The following COLQ variants were observed in gnomAD, a reference collection of about 807,000 sequenced individuals.
The protein encoded by COLQ is collagen like tail subunit of asymmetric acetylcholinesterase.
In COLQ, 48 loss-of-function variants were observed where a neutral mutation model predicts 69.0. The ratio of observed to expected loss-of-function variants is 0.70; its 90% CI spans 0.55 to 0.88. COLQ has a LOEUF of 0.88. Ranked by LOEUF, COLQ falls within the 40% of genes least tolerant of loss-of-function variation. The probability of loss-of-function intolerance (pLI) is 0.00; values close to 1 mark genes in which losing one functional copy is unlikely to be tolerated. For synonymous variants in COLQ, 217 were observed against 211.2 expected (o/e 1.03, Z -0.24); for missense variants, 618 against 594.6 (o/e 1.04, Z -0.41).
chr3:15,475,222 A>G, intron 7 of COLQ: 1 of 659,680 alleles, frequency 1.5e-6, no homozygotes. Flanking sequence ...TTCCTGCCCA[A>G]GAGAACAGCA....
intron 1 of COLQ, among the ~76,000 whole-genome samples, chr3:15,497,683 G>A (rs2062765621): frequency 6.6e-6 from 1 of 152,204 alleles, no homozygotes; most frequent in African/African-American, 2.4e-5. Flanking sequence ...TTCCCTGCCT[G>A]TGGGAACTTG....
chr3:15,517,974 T>G (rs1405161538), intron 1 of COLQ, among the ~76,000 whole-genome samples: 1 of 152,078 alleles, frequency 6.6e-6, no homozygotes, highest in African/African-American at 2.4e-5. Context: ...AAACGAAGTT[T>G]CACTCTTGTT....
chr3:15,513,847 A>ATG (rs2063020092), intron 1 of COLQ, among the ~76,000 whole-genome samples: 1 of 152,208 alleles, frequency 6.6e-6, no homozygotes, highest in South Asian at 2.1e-4. Flanking sequence ...GAACCTGTAA[A>ATG]TGTTACCTTA....
chr3:15,486,676 A>G (rs2062580575), intron 3 of COLQ, among the ~76,000 whole-genome samples: 2 of 152,216 alleles, frequency 1.3e-5, no homozygotes, highest in South Asian at 2.1e-4. Flanking sequence ...CAGGCTTCCA[A>G]GCTTTTCTGT....
chr3:15,466,923 C>A (rs1379184433), intron 11 of COLQ, among the ~76,000 whole-genome samples: 1 of 152,228 alleles, frequency 6.6e-6, no homozygotes, highest in Non-Finnish European at 1.5e-5. Context: ...GCCCCAAAAT[C>A]TCTTCCTTCC....
At chr3:15,495,361 T>A (rs1490355311) in intron 1 of COLQ, among the ~76,000 whole-genome samples, 1 of 152,220 alleles carries the variant, frequency 6.6e-6, no homozygotes, top group East Asian at 1.9e-4. Flanking sequence ...CTGGCTTCAC[T>A]CTGAATTGGA....
At position 15,451,187 on chromosome 3, in the gene COLQ, G is replaced by A. The variant is rs934958863; in HGVS notation, c.*457C>T. ...CATAGGCCTAGAGAGACCCGACAGC[G>A]GGCTGCCCAGTGTGAGTGAGAATGC... is the stretch of plus-strand genomic sequence containing the variant. On this transcript the variant is annotated 3_prime_UTR_variant, in exon 17 of 17. Coordinates refer to ENST00000383788, the MANE Select transcript of COLQ (RefSeq NM_005677.4). The A allele has an allele frequency of 3.1e-5, 7 of 225,460 alleles. No individual in the cohort carries two copies. Among genetic ancestry groups the A allele is most frequent in the African/African-American group, 1.1e-4 (5 of 44,662 alleles). The allele number at this position is 225,460 out of a possible 1,614,324, so 14.0% of individuals were successfully genotyped here.
chr3:15,497,716 G>T (rs938980537), intron 1 of COLQ, among the ~76,000 whole-genome samples: 21 of 152,184 alleles, frequency 1.4e-4, no homozygotes, highest in African/African-American at 4.6e-4. Flanking sequence ...AGACCCCAAA[G>T]AAGAGAGAAA....
chr3:15,452,523 G>A (rs2061962022), intron 16 of COLQ, among the ~76,000 whole-genome samples: 1 of 152,122 alleles, frequency 6.6e-6, no homozygotes. Flanking sequence ...AGTCACAGGC[G>A]TCCCTCTGAG....
intron 1 of COLQ, among the ~76,000 whole-genome samples, chr3:15,508,576 A>G (rs942601413): frequency 2.0e-5 from 3 of 152,246 alleles, no homozygotes; most frequent in African/African-American, 7.2e-5. Context: ...AGTAATGGCC[A>G]TAATGAATCT....
At position 15,470,528 on chromosome 3, in the gene COLQ, A is replaced by C; in HGVS notation, c.717+8T>G. The stretch of plus-strand genomic sequence containing the variant: ...CCTCAGGCGGGTGGTAAGCCCTGGG[A>C]TCCTTACCTGCTTGCCTCGTTTTCC... On this transcript the variant is annotated splice_region_variant and intron_variant, in intron 11 of 16. Coordinates refer to ENST00000383788, the MANE Select transcript of COLQ (RefSeq NM_005677.4). The C allele has an allele frequency of 6.2e-7, 1 of 1,612,774 alleles. No individual in the cohort carries two copies. Among genetic ancestry groups the C allele is most frequent in the Admixed American group, 1.7e-5 (1 of 60,010 alleles).
intron 5 of COLQ, 125 bp from the exon 6 acceptor site, chr3:15,477,322 T>C: frequency 1.2e-6 from 1 of 810,778 alleles, no homozygotes; most frequent in Non-Finnish European, 2.1e-6. Context: ...ATGACCCTCA[T>C]CCCCACTCTC....
At chr3:15,516,198 G>A (rs1179201877) in intron 1 of COLQ, among the ~76,000 whole-genome samples, 1 of 152,228 alleles carries the variant, frequency 6.6e-6, no homozygotes, top group Non-Finnish European at 1.5e-5. Context: ...CAGAGGAGAT[G>A]GCTGGCAAGT....
chr3:15,477,043 T>C (rs2062390550), intron 6 of COLQ, 83 bp downstream of exon 6: 1 of 1,295,274 alleles, frequency 7.7e-7, no homozygotes. Flanking sequence ...ATTCCCTGAC[T>C]ATGTGCCAGG....
chr3:15,460,306 A>G (rs941000153), intron 12 of COLQ, among the ~76,000 whole-genome samples: 2 of 152,232 alleles, frequency 1.3e-5, no homozygotes, highest in African/African-American at 4.8e-5. Context: ...TCTTCAGAAG[A>G]GGGTAAAAGT....
intron 1 of COLQ, among the ~76,000 whole-genome samples, chr3:15,505,539 T>C (rs540357944): frequency 4.6e-5 from 7 of 152,330 alleles, no homozygotes; most frequent in Admixed American, 4.6e-4. Context: ...ATGTGGTAAG[T>C]AGAGAGGAAG....
intron 1 of COLQ, among the ~76,000 whole-genome samples, chr3:15,490,844 G>A (rs542662372): frequency 1.6e-4 from 25 of 152,324 alleles, no homozygotes; most frequent in African/African-American, 5.3e-4. Context: ...GCTGAACATA[G>A]ACATATACTC....
intron 6 of COLQ, among the ~76,000 whole-genome samples, chr3:15,476,772 C>G (rs1278729256): frequency 6.6e-6 from 1 of 152,198 alleles, no homozygotes; most frequent in Non-Finnish European, 1.5e-5. Context: ...CATTCCCTGC[C>G]AGGTCAGCAT....
chr3:15,461,894 G>A (rs1011281365), intron 12 of COLQ, among the ~76,000 whole-genome samples: 1 of 152,018 alleles, frequency 6.6e-6, no homozygotes, highest in Non-Finnish European at 1.5e-5. Context: ...CCGAGAATGG[G>A]TTTGGGACTT....
Sources: gnomAD v4.1 joint callset for allele counts (sites outside exome capture counted in the v4.1 genomes callset) on GRCh38, gnomAD v4.1.1 for gene constraint, MANE v1.5 for transcripts, NCBI Gene and HGNC (gene_info 2026-07-23, HGNC 2026-07-21) for gene names.